CMIP: variants seen among roughly 807,000 people sequenced by gnomAD.
CMIP encodes the protein C-Maf-inducing protein.
CMIP carries 13 observed loss-of-function variants against 97.3 expected under a neutral mutation model. The observed-to-expected ratio is 0.13, with a 90% CI of 0.09 to 0.21. The LOEUF (loss-of-function observed/expected upper bound fraction) is 0.21, where lower values mean the gene tolerates loss of function less well. Among genes scored for constraint, CMIP ranks in the 10% least tolerant of loss-of-function variants. The pLI is 1.00. For missense variants in CMIP, 847 were observed against 1,024.9 expected (o/e 0.83, Z 2.37); for synonymous variants, 538 against 436.3 (o/e 1.23, Z -2.91).
intron 1 of CMIP, among the ~76,000 whole-genome samples, chr16:81,606,655 G>A (rs1429363672): frequency 6.6e-6 from 1 of 151,788 alleles, no homozygotes. Context: ...GGAAAGAGTG[G>A]GAACCAAGAC....
chr16:81,532,219 G>A (rs904089392), intron 1 of CMIP, among the ~76,000 whole-genome samples: 3 of 152,166 alleles, frequency 2.0e-5, no homozygotes, highest in African/African-American at 4.8e-5. Context: ...GTATCTTCAC[G>A]CTGGCCACGG....
chr16:81,592,163 C>T (rs1246067488), intron 1 of CMIP, among the ~76,000 whole-genome samples: 2 of 152,104 alleles, frequency 1.3e-5, no homozygotes, highest in South Asian at 2.1e-4. Flanking sequence ...ATGCACCTTA[C>T]TGTTTACATC....
rs1410858036 is a variant in CMIP at position 81,707,091 on chromosome 16, C to T, written c.2268+7C>T. The T allele has an allele frequency of 6.2e-7, 1 of 1,612,156 alleles. No homozygotes were observed. Among genetic ancestry groups the T allele is most frequent in the Admixed American group, 1.7e-5 (1 of 60,022 alleles). ...CACCTACGAAGATCTGAAGGTAATT[C>T]CCTCCTTCCTCCCCACTCTCCTCCC... On this transcript the variant is annotated splice_region_variant and intron_variant, in intron 20 of 20. Transcript: ENST00000537098.
intron 1 of CMIP, among the ~76,000 whole-genome samples, chr16:81,492,933 G>A (rs1356376773): frequency 1.3e-5 from 2 of 152,120 alleles, no homozygotes; most frequent in South Asian, 2.1e-4. Flanking sequence ...GGGAGCGGCC[G>A]AAGAGGAGGG....
chr16:81,663,453 G>C (rs2092569197), intron 6 of CMIP, among the ~76,000 whole-genome samples: 1 of 152,204 alleles, frequency 6.6e-6, no homozygotes, highest in South Asian at 2.1e-4. Flanking sequence ...AAAGTAAAAT[G>C]ATCGGTGGTT....
intron 1 of CMIP, among the ~76,000 whole-genome samples, chr16:81,549,080 G>A (rs1173868113): frequency 6.6e-6 from 1 of 152,234 alleles, no homozygotes; most frequent in Non-Finnish European, 1.5e-5. Context: ...GGTGGAAAGG[G>A]CGTGGCCCAA....
intron 2 of CMIP, among the ~76,000 whole-genome samples, chr16:81,610,119 G>A (rs1465701330): frequency 6.6e-6 from 1 of 152,202 alleles, no homozygotes; most frequent in Non-Finnish European, 1.5e-5. Context: ...TTCTGGGGCT[G>A]GAGGGGCAGC....
chr16:81,480,147 C>G (rs1908171151), intron 1 of CMIP, among the ~76,000 whole-genome samples: 1 of 152,170 alleles, frequency 6.6e-6, no homozygotes, highest in Admixed American at 6.5e-5. Flanking sequence ...TTCCTTGGGT[C>G]ATAGCAGTCC....
At chr16:81,562,146 T>C (rs2090895088) in intron 1 of CMIP, among the ~76,000 whole-genome samples, 1 of 152,186 alleles carries the variant, frequency 6.6e-6, no homozygotes, top group Admixed American at 6.5e-5. Flanking sequence ...AGGTCATTTA[T>C]GAGATGAGGA....
chr16:81,653,950 G>C (rs964828879), intron 4 of CMIP, among the ~76,000 whole-genome samples: 4 of 152,144 alleles, frequency 2.6e-5, no homozygotes, highest in Non-Finnish European at 5.9e-5. Flanking sequence ...CACAGATGAG[G>C]AAATTGAGGC....
intron 9 of CMIP, 146 bp from the exon 10 acceptor site, chr16:81,678,129 C>CA (rs1904458796): frequency 1.5e-6 from 1 of 672,092 alleles, no homozygotes; most frequent in Non-Finnish European, 2.5e-6. Context: ...GGCTGAGCCT[C>CA]AGTTTCCTCA....
At chr16:81,447,818 G>C (rs1455844606) in intron 1 of CMIP, among the ~76,000 whole-genome samples, 1 of 152,238 alleles carries the variant, frequency 6.6e-6, no homozygotes, top group Non-Finnish European at 1.5e-5. Flanking sequence ...TGGAGGTGGG[G>C]CTGTGAGGGC....
At chr16:81,491,826 T>C (rs2089410585) in intron 1 of CMIP, among the ~76,000 whole-genome samples, 1 of 152,212 alleles carries the variant, frequency 6.6e-6, no homozygotes, top group East Asian at 1.9e-4. Flanking sequence ...TCTGTACACA[T>C]ACTTTTATGT....
intron 1 of CMIP, among the ~76,000 whole-genome samples, chr16:81,535,168 T>C (rs755227250): frequency 6.6e-6 from 1 of 152,198 alleles, no homozygotes; most frequent in South Asian, 2.1e-4. Flanking sequence ...GCCAGGATGG[T>C]CTCGATCTCC....
chr16:81,662,505 G>A (rs2092558217), intron 6 of CMIP, among the ~76,000 whole-genome samples: 1 of 152,200 alleles, frequency 6.6e-6, no homozygotes, highest in Non-Finnish European at 1.5e-5. Flanking sequence ...CATGTGGGAT[G>A]CTTCTTTGGC....
intron 1 of CMIP, among the ~76,000 whole-genome samples, chr16:81,600,290 A>G (rs1044075018): frequency 6.6e-6 from 1 of 151,740 alleles, no homozygotes; most frequent in Non-Finnish European, 1.5e-5. Context: ...AAAAAAAAAA[A>G]AAAAAAGATA....
intron 1 of CMIP, among the ~76,000 whole-genome samples, chr16:81,527,814 A>G (rs146102043): frequency 1.1e-3 from 173 of 152,360 alleles, no homozygotes; most frequent in Non-Finnish European, 1.6e-3. Context: ...TATCCTAAAA[A>G]TATCCCATTC....
At chr16:81,622,635 C>T (rs1017817537) in intron 3 of CMIP, among the ~76,000 whole-genome samples, 2 of 152,156 alleles carry the variant, frequency 1.3e-5, no homozygotes, top group African/African-American at 4.8e-5. Flanking sequence ...CACTGCCTAC[C>T]CGACAGGTTG....
intron 3 of CMIP, among the ~76,000 whole-genome samples, chr16:81,644,922 A>G (rs150280306): frequency 6.6e-6 from 1 of 152,324 alleles, no homozygotes; most frequent in African/African-American, 2.4e-5. Context: ...AGACCTCAGC[A>G]TCGATGGGTA....
Sources: gnomAD v4.1 joint callset for allele counts (sites outside exome capture counted in the v4.1 genomes callset) on GRCh38, gnomAD v4.1.1 for gene constraint, MANE v1.5 for transcripts, NCBI Gene and HGNC (gene_info 2026-07-23, HGNC 2026-07-21) for gene names.